Variants in TRAK1 observed in about 807,000 individuals in gnomAD.
The protein encoded by TRAK1 is trafficking kinesin protein 1.
A neutral mutation model predicts 92.1 loss-of-function variants in TRAK1; 33 were observed. The observed-to-expected ratio is 0.36, with a 90% CI of 0.27 to 0.48. The LOEUF (loss-of-function observed/expected upper bound fraction) is 0.48, where lower values mean the gene tolerates loss of function less well. Among genes scored for constraint, TRAK1 ranks in the 20% least tolerant of loss-of-function variants. The pLI is 0.99. For synonymous variants in TRAK1, 521 were observed against 517.3 expected, an observed-to-expected ratio of 1.01 and a Z score of -0.10; for missense variants, 1,123 against 1,257.9, an observed-to-expected ratio of 0.89 and a Z score of 1.62.
chr3:42,018,087 C>CGAAA (rs752540329), intron 1 of TRAK1, among the ~76,000 whole-genome samples: 1 of 114,302 alleles, frequency 8.7e-6, no homozygotes, highest in Non-Finnish European at 1.7e-5. Flanking sequence ...CTCATTGTTA[C>CGAAA]AAAAAAAAAA....
chr3:42,224,255 A>G lies in TRAK1; in HGVS notation c.*518A>G. On this transcript the variant is annotated 3_prime_UTR_variant, in exon 16 of 16. Transcript: ENST00000327628. The stretch of plus-strand genomic sequence containing the variant: ...ACGTGCAGCTGACGTGGCTTTCCTG[A>G]TCGGAGGGCTTTTCTTTTATGGGTG... The G allele has an allele frequency of 3.0e-6, 1 of 338,222 alleles. No individual in the cohort carries two copies. Among genetic ancestry groups the G allele is most frequent in the South Asian group, 2.2e-5 (1 of 44,928 alleles). The allele number at this position is 338,222 out of a possible 1,614,324, so 21.0% of individuals were successfully genotyped here. A position where few individuals can be genotyped will look rare whatever the true frequency, so the allele number is the denominator to read the frequency against.
intron 13 of TRAK1, among the ~76,000 whole-genome samples, chr3:42,208,494 T>C (rs940089215): frequency 1.3e-5 from 2 of 152,200 alleles, no homozygotes; most frequent in Admixed American, 1.3e-4. Flanking sequence ...CTGTGTTCCC[T>C]TCTCTTTTGT....
At position 42,075,078 on chromosome 3, in the gene TRAK1, C is replaced by A. The variant is rs1015294515; in HGVS notation, c.-518-12026C>A. On this transcript the variant is annotated intron_variant, in intron 1 of 16. Transcript: ENST00000487159. Reference sequence around the variant, plus strand: ...TGCGTAGCATTCTGTGGTATATGTCCACATTTTCTTTGACCAGTCCACCAC... The same window carrying A: ...TGCGTAGCATTCTGTGGTATATGTCAACATTTTCTTTGACCAGTCCACCAC... Among the ~76,000 whole-genome samples the A allele has an allele frequency of 4.6e-5, 7 of 151,986 alleles. No individual in the cohort carries two copies. In the South Asian group the frequency reaches 1.0e-3, roughly 23 times the overall value.
intron 2 of TRAK1, among the ~76,000 whole-genome samples, chr3:42,135,429 A>T (rs1050964073): frequency 1.3e-5 from 2 of 152,176 alleles, no homozygotes; most frequent in African/African-American, 4.8e-5. Flanking sequence ...TACCACGGTG[A>T]TGATTGAATA....
chr3:42,052,735 T>G (rs760437433), intron 1 of TRAK1, among the ~76,000 whole-genome samples: 2 of 152,106 alleles, frequency 1.3e-5, no homozygotes, highest in Non-Finnish European at 2.9e-5. Context: ...GGATGTGCAT[T>G]TAATCTAGTT....
intron 2 of TRAK1, among the ~76,000 whole-genome samples, chr3:42,128,951 A>C (rs946003184): frequency 2.6e-5 from 4 of 152,204 alleles, no homozygotes; most frequent in Admixed American, 6.5e-5. Flanking sequence ...TTTATTCTTT[A>C]ATAAAGAAGC....
At chr3:42,168,550 A>G (rs933215395) in intron 2 of TRAK1, among the ~76,000 whole-genome samples, 77 of 151,818 alleles carry the variant, frequency 5.1e-4, no homozygotes, top group African/African-American at 1.9e-3. Context: ...GTTAGCTCCC[A>G]TTTCCCACTT....
At chr3:42,181,527 G>C (rs1458574588) in intron 3 of TRAK1, among the ~76,000 whole-genome samples, 1 of 152,228 alleles carries the variant, frequency 6.6e-6, no homozygotes, top group African/African-American at 2.4e-5. Context: ...CTGGGCGACA[G>C]ATCGAGACTC....
chr3:42,090,636 C>G (rs767170693), upstream of TRAK1, among the ~76,000 whole-genome samples: 1 of 152,198 alleles, frequency 6.6e-6, no homozygotes, highest in Non-Finnish European at 1.5e-5. Context: ...TGAGCTGACA[C>G]AGTGCTACTG....
At chr3:42,043,622 G>A (rs974102273) in intron 1 of TRAK1, among the ~76,000 whole-genome samples, 1 of 151,984 alleles carries the variant, frequency 6.6e-6, no homozygotes, top group Admixed American at 6.6e-5. Context: ...AGCTGGGGGG[G>A]GGGCGGGGGG....
chr3:42,170,625 A>G (rs533382380), intron 2 of TRAK1, among the ~76,000 whole-genome samples: 1 of 152,194 alleles, frequency 6.6e-6, no homozygotes, highest in African/African-American at 2.4e-5. Flanking sequence ...AGTTTTTATA[A>G]TGAAAATTAT....
chr3:42,099,683 C>G (rs1010883445), intron 1 of TRAK1, among the ~76,000 whole-genome samples: 1 of 152,190 alleles, frequency 6.6e-6, no homozygotes, highest in Non-Finnish European at 1.5e-5. Flanking sequence ...CCAACATGTT[C>G]GGTTTCAGCT....
At chr3:42,117,624 G>A (rs377484401) in intron 1 of TRAK1, among the ~76,000 whole-genome samples, 1 of 152,076 alleles carries the variant, frequency 6.6e-6, no homozygotes, top group African/African-American at 2.4e-5. Context: ...CAGCTACTCA[G>A]GTCCCTGTTC....
chr3:42,184,662 G>A, intron 3 of TRAK1, 23 bp from the exon 4 acceptor site: 2 of 1,611,214 alleles, frequency 1.2e-6, no homozygotes, highest in Non-Finnish European at 1.7e-6. Flanking sequence ...TTGAATCTCT[G>A]TTCTCCCTCT....
rs150755357 is a variant in TRAK1, at chr3:42,073,700, C to T, written c.-518-13404C>T. 2.6e-3 allele frequency among the ~76,000 whole-genome samples: 389 copies of T among 152,332 alleles called. 4 individuals are homozygous for T. The highest frequency in any genetic ancestry group is 0.012 in the South Asian group (56 of 4,832). ...TTGCTGTAAACCTGCAACTCATCTC[C>T]TCATCTCCCACCTGTTCAACTTTTA... On this transcript the variant is annotated intron_variant, in intron 1 of 16. Coordinates refer to the TRAK1 transcript ENST00000487159.
intron 1 of TRAK1, among the ~76,000 whole-genome samples, chr3:42,071,134 TTTCC>T (rs1488532996): frequency 6.6e-6 from 1 of 152,202 alleles, no homozygotes; most frequent in Non-Finnish European, 1.5e-5. Flanking sequence ...ATATTGCTCT[TTTCC>T]TTGTTGGAGT....
chr3:42,203,468 C>T, intron 13 of TRAK1: 1 of 980,598 alleles, frequency 1.0e-6, no homozygotes, highest in Non-Finnish European at 1.2e-6. Context: ...TTCCTCCTTC[C>T]CTCTCTCCCT....
chr3:42,071,172 C>CA (rs1408846667), intron 1 of TRAK1, among the ~76,000 whole-genome samples: 1 of 152,196 alleles, frequency 6.6e-6, no homozygotes, highest in Non-Finnish European at 1.5e-5. Context: ...AAGCCAAGTT[C>CA]CTCCTACGGA....
chr3:42,145,910 A>G (rs1699267297), intron 2 of TRAK1: 1 of 240,622 alleles, frequency 4.2e-6, no homozygotes. Flanking sequence ...CTCCTAGATT[A>G]ATGGCAGCCA....
Sources: gnomAD v4.1 joint callset for allele counts (sites outside exome capture counted in the v4.1 genomes callset) on GRCh38, gnomAD v4.1.1 for gene constraint, MANE v1.5 for transcripts, NCBI Gene and HGNC (gene_info 2026-07-23, HGNC 2026-07-21) for gene names.